Variants in ANKRD17 observed in about 807,000 individuals in gnomAD.
ANKRD17 encodes ankyrin repeat domain-containing protein 17.
ANKRD17 carries 19 observed loss-of-function variants against 229.7 expected under a neutral mutation model. The ratio of observed to expected loss-of-function variants is 0.08; its 90% CI spans 0.06 to 0.12. The LOEUF is 0.12. Ranked by LOEUF, ANKRD17 falls within the 10% of genes least tolerant of loss-of-function variation. ANKRD17 has a pLI of 1.00. For synonymous variants in ANKRD17, 1,112 were observed against 1,146.1 expected (o/e 0.97, Z 0.60); for missense variants, 2,176 against 3,176.8 (o/e 0.68, Z 7.57).
At chr4:73,185,170 T>G (rs1736124569) in intron 1 of ANKRD17, among the ~76,000 whole-genome samples, 1 of 151,680 alleles carries the variant, frequency 6.6e-6, no homozygotes, top group African/African-American at 2.4e-5. Flanking sequence ...ATCTGATGTT[T>G]TCCGAAGAAA....
intron 18 of ANKRD17, among the ~76,000 whole-genome samples, chr4:73,122,078 T>G (rs942533839): frequency 6.6e-6 from 1 of 152,178 alleles, no homozygotes; most frequent in Non-Finnish European, 1.5e-5. Flanking sequence ...AATAGAGTAA[T>G]ATGGGACAAG....
chr4:73,140,500 GA>G (rs1404883063), intron 14 of ANKRD17, among the ~76,000 whole-genome samples: 5 of 152,224 alleles, frequency 3.3e-5, no homozygotes, highest in Admixed American at 6.5e-5. Flanking sequence ...ATTAATTTCA[GA>G]ATCTTAAAAA....
chr4:73,151,356 G>A, intron 7 of ANKRD17, 74 bp downstream of exon 7: 1 of 1,307,572 alleles, frequency 7.6e-7, no homozygotes, highest in South Asian at 1.3e-5. Flanking sequence ...CCATTGGAAA[G>A]GCATTCATTG....
intron 1 of ANKRD17, among the ~76,000 whole-genome samples, chr4:73,249,862 A>T (rs1352838398): frequency 6.6e-6 from 1 of 152,226 alleles, no homozygotes. Context: ...TCTCAAAAAA[A>T]ATAAAATAAA....
intron 1 of ANKRD17, among the ~76,000 whole-genome samples, chr4:73,233,835 C>A (rs1056062865): frequency 6.6e-6 from 1 of 152,158 alleles, no homozygotes; most frequent in Non-Finnish European, 1.5e-5. Context: ...TTCAAGCATT[C>A]AACACAGCTG....
chr4:73,250,208 TTAATA>T (rs1744863009), intron 1 of ANKRD17, among the ~76,000 whole-genome samples: 1 of 152,152 alleles, frequency 6.6e-6, no homozygotes, highest in Admixed American at 6.5e-5. Flanking sequence ...AAAAACCTAT[TTAATA>T]TTTTTCAATT....
At chr4:73,233,753 G>C (rs1041948313) in intron 1 of ANKRD17, among the ~76,000 whole-genome samples, 2 of 152,206 alleles carry the variant, frequency 1.3e-5, no homozygotes, top group Non-Finnish European at 2.9e-5. Flanking sequence ...TGATAAAATA[G>C]AGGGGCTGGG....
intron 30 of ANKRD17, among the ~76,000 whole-genome samples, chr4:73,084,988 G>A (rs111777646): frequency 9.5e-4 from 144 of 152,016 alleles, no homozygotes; most frequent in African/African-American, 3.1e-3. Flanking sequence ...CGAAACCAGC[G>A]AGGGCAACAC....
rs111785653 is a variant in ANKRD17 at position 73,226,466 on chromosome 4, C to T, written c.393+31810G>A. Among the ~76,000 whole-genome samples the T allele has an allele frequency of 2.5e-3, 341 of 134,580 alleles. 1 individual carries two copies. Among genetic ancestry groups the T allele is most frequent in the South Asian group, 0.017 (74 of 4,300 alleles). The allele number at this position is 134,580 out of a possible 152,430, so 88.3% of individuals were successfully genotyped here. A position where few individuals can be genotyped will look rare whatever the true frequency, so the allele number is the denominator to read the frequency against. On this transcript the variant is annotated intron_variant, in intron 1 of 33. Transcript: ENST00000358602. ...GTGGAGTGCAGTGGTGCAACCCCGG[C>T]TCACTGCAACCTCCGCCTCTGGATT...
intron 1 of ANKRD17, among the ~76,000 whole-genome samples, chr4:73,228,327 C>T (rs942079135): frequency 1.6e-4 from 24 of 152,204 alleles, no homozygotes; most frequent in African/African-American, 5.5e-4. Context: ...ACTACTCATG[C>T]TATAAAATGA....
chr4:73,199,633 G>A (rs975298383), intron 1 of ANKRD17, among the ~76,000 whole-genome samples: 2 of 151,990 alleles, frequency 1.3e-5, no homozygotes, highest in Non-Finnish European at 2.9e-5. Context: ...CCTCAGTCAC[G>A]GTCTGCCCCA....
intron 1 of ANKRD17, among the ~76,000 whole-genome samples, chr4:73,225,861 C>CAAAAAAAAAAAAAAAA (rs375866026): frequency 1.2e-4 from 8 of 66,694 alleles, no homozygotes; most frequent in South Asian, 8.8e-4. Context: ...GACTCTGTCT[C>CAAAAAAAAAAAAAAAA]AAAAAAAAAA....
At chr4:73,222,528 A>G (rs1242843462) in intron 1 of ANKRD17, among the ~76,000 whole-genome samples, 1 of 152,210 alleles carries the variant, frequency 6.6e-6, no homozygotes, top group Non-Finnish European at 1.5e-5. Context: ...TGATATAAAC[A>G]TGCTTAGTTT....
chr4:73,156,301 A>G (rs1731650981), intron 3 of ANKRD17, 135 bp from the exon 4 acceptor site: 2 of 1,089,774 alleles, frequency 1.8e-6, no homozygotes, highest in Admixed American at 3.3e-5. Flanking sequence ...GAGGGGGTAC[A>G]GTGATGCAAT....
chr4:73,199,143 C>A (rs924277903), intron 1 of ANKRD17, among the ~76,000 whole-genome samples: 1 of 151,972 alleles, frequency 6.6e-6, no homozygotes, highest in African/African-American at 2.4e-5. Flanking sequence ...TAAAAGTCAT[C>A]TCCATGAGTG....
chr4:73,099,365 G>A (rs1274193968), intron 25 of ANKRD17, among the ~76,000 whole-genome samples: 1 of 152,062 alleles, frequency 6.6e-6, no homozygotes, highest in East Asian at 1.9e-4. Flanking sequence ...GTTTTCCCCT[G>A]GCCTCAGTTC....
Position 73,076,220 on chromosome 4 carries a change from G to A in ANKRD17, c.*11C>T. ...TGAAAAGGAATCTGCAGGCTAACAAGCTGATCCTCATCAGCCAAGCTGGTT... is the reference window on the plus strand; with the variant it reads ...TGAAAAGGAATCTGCAGGCTAACAAACTGATCCTCATCAGCCAAGCTGGTT... On this transcript the variant is annotated 3_prime_UTR_variant, in exon 34 of 34. Transcript: ENST00000358602. The A allele has an allele frequency of 1.2e-6, 2 of 1,604,666 alleles. No homozygotes were observed. The highest frequency in any genetic ancestry group is 1.1e-5 in the South Asian group (1 of 89,232).
chr4:73,180,808 A>C (rs886731408), intron 1 of ANKRD17, among the ~76,000 whole-genome samples: 1 of 152,210 alleles, frequency 6.6e-6, no homozygotes, highest in African/African-American at 2.4e-5. Flanking sequence ...GCTGTTACCT[A>C]TGTGACCTAA....
At chr4:73,229,636 A>G (rs1270598773) in intron 1 of ANKRD17, among the ~76,000 whole-genome samples, 1 of 151,400 alleles carries the variant, frequency 6.6e-6, no homozygotes, top group Non-Finnish European at 1.5e-5. Context: ...CACAATGCAG[A>G]GTCTATATAT....
Sources: gnomAD v4.1 joint callset for allele counts (sites outside exome capture counted in the v4.1 genomes callset) on GRCh38, gnomAD v4.1.1 for gene constraint, MANE v1.5 for transcripts, NCBI Gene and HGNC (gene_info 2026-07-23, HGNC 2026-07-21) for gene names.